Variants in NPHP1 observed in about 807,000 individuals in gnomAD.
NPHP1 encodes nephrocystin-1.
A neutral mutation model predicts 90.4 loss-of-function variants in NPHP1; 70 were observed. The observed-to-expected ratio is 0.77, with a 90% CI of 0.64 to 0.95. The LOEUF (loss-of-function observed/expected upper bound fraction) is 0.95, where lower values mean the gene tolerates loss of function less well. Ranked by LOEUF, NPHP1 falls within the 40% of genes least tolerant of loss-of-function variation. NPHP1 has a pLI of 0.00. For synonymous variants in NPHP1, 256 were observed against 271.7 expected, an observed-to-expected ratio of 0.94 and a Z score of 0.57; for missense variants, 764 against 795.9, an observed-to-expected ratio of 0.96 and a Z score of 0.48.
chr2:110,165,990 A>G (rs1682703559), intron 6 of NPHP1, among the ~76,000 whole-genome samples: 2 of 152,218 alleles, frequency 1.3e-5, no homozygotes, highest in South Asian at 2.1e-4. Context: ...GTCATAAAGC[A>G]TATGAGATGA....
At chr2:110,190,310 C>T (rs985606503) in intron 2 of NPHP1, among the ~76,000 whole-genome samples, 13 of 152,166 alleles carry the variant, frequency 8.5e-5, no homozygotes, top group African/African-American at 2.7e-4. Context: ...AGGCTCGGGC[C>T]GCACAGGAGC....
At chr2:110,185,074 G>A (rs1684190480) in intron 2 of NPHP1, 2 of 596,878 alleles carry the variant, frequency 3.4e-6, no homozygotes, top group African/African-American at 3.7e-5. Flanking sequence ...ATTCCACGTG[G>A]ATTGAGGGCT....
At position 110,178,410 on chromosome 2, in the gene NPHP1, A is replaced by C. The variant is rs1415817357; in HGVS notation, c.329+13T>G. On this transcript the variant is annotated intron_variant, in intron 4 of 19. Coordinates refer to ENST00000445609, the MANE Select transcript of NPHP1 (RefSeq NM_001128178.3). ...TTTAAAAAAGAAAAAAGAAAGGTAGAAAGGAAGCATACTCAGTTATATTTT... is the reference window on the plus strand; with the variant it reads ...TTTAAAAAAGAAAAAAGAAAGGTAGCAAGGAAGCATACTCAGTTATATTTT... 2.5e-6 allele frequency: 4 copies of C among 1,613,306 alleles called. No individual in the cohort carries two copies. The highest frequency in any genetic ancestry group is 3.4e-6 in the Non-Finnish European group (4 of 1,179,598).
At chr2:110,173,532 C>T (rs1683310030) in intron 4 of NPHP1, among the ~76,000 whole-genome samples, 1 of 152,070 alleles carries the variant, frequency 6.6e-6, no homozygotes, top group Non-Finnish European at 1.5e-5. Context: ...CATATAATAC[C>T]ATATTTTTAC....
intron 2 of NPHP1, among the ~76,000 whole-genome samples, chr2:110,191,618 G>T (rs1684745630): frequency 6.6e-6 from 1 of 152,210 alleles, no homozygotes; most frequent in African/African-American, 2.4e-5. Flanking sequence ...AGAAACCTCT[G>T]CAGACTTAAA....
Position 110,178,512 on chromosome 2 carries a change from C to T in NPHP1, c.240G>A (p.Gln80=), listed in dbSNP as rs767719020. 67 of 1,613,766 alleles carry T rather than the reference C, an allele frequency of 4.2e-5. No individual in the cohort carries two copies. The East Asian group carries it at 1.5e-3, about 36-fold the overall frequency. The change falls in exon 4 of 20, where the codon CAG becomes CAA. Residue 80 remains glutamine (Q), a synonymous_variant. Coordinates refer to ENST00000445609, the MANE Select transcript of NPHP1 (RefSeq NM_001128178.3). ...AAAGAGTATGCTCCTCTTCTTTTCT[C>T]TGATTATAGTTTGCAACAGGTGCAG... ...DESAPVANYN[Q]RKEEEHTLLD... is the part of the protein sequence containing the mutation.
chr2:110,193,320 A>G (rs1434160200), intron 2 of NPHP1, among the ~76,000 whole-genome samples: 1 of 152,156 alleles, frequency 6.6e-6, no homozygotes, highest in Non-Finnish European at 1.5e-5. Context: ...AGATCTACCA[A>G]GCAAATGGAA....
At chr2:110,132,364 G>GT (rs1679849374) in intron 16 of NPHP1, among the ~76,000 whole-genome samples, 1 of 152,154 alleles carries the variant, frequency 6.6e-6, no homozygotes, top group Non-Finnish European at 1.5e-5. Flanking sequence ...TTAAAATGAA[G>GT]TAAGTGTGGG....
intron 2 of NPHP1, among the ~76,000 whole-genome samples, chr2:110,194,623 T>C (rs1310992986): frequency 3.3e-5 from 5 of 151,968 alleles, no homozygotes; most frequent in Non-Finnish European, 4.4e-5. Context: ...TTCCAATCAA[T>C]AGAAAAAGAG....
chr2:110,196,967 A>C (rs1334704881), intron 2 of NPHP1, among the ~76,000 whole-genome samples: 1 of 152,154 alleles, frequency 6.6e-6, no homozygotes, highest in African/African-American at 2.4e-5. Context: ...GAACAAAATC[A>C]TGTCCTTTGG....
Position 110,178,405 on chromosome 2 carries a change from G to A in NPHP1, c.329+18C>T, listed in dbSNP as rs775997040. On this transcript the variant is annotated intron_variant, in intron 4 of 19. Transcript: ENST00000445609. The stretch of plus-strand genomic sequence containing the variant: ...ATATCTTTAAAAAAGAAAAAAGAAA[G>A]GTAGAAAGGAAGCATACTCAGTTAT... The A allele has an allele frequency of 3.7e-6, 6 of 1,612,584 alleles. No homozygotes were observed. In the East Asian group the frequency reaches 8.9e-5, roughly 24 times the overall value.
At chr2:110,170,309 C>T (rs1234581278) in intron 4 of NPHP1, among the ~76,000 whole-genome samples, 2 of 152,170 alleles carry the variant, frequency 1.3e-5, no homozygotes, top group Admixed American at 1.3e-4. Context: ...TTATGAAGTA[C>T]TTAGAGCATA....
At chr2:110,130,030 C>T (rs1282460318) in intron 17 of NPHP1, among the ~76,000 whole-genome samples, 1 of 152,164 alleles carries the variant, frequency 6.6e-6, no homozygotes, top group Non-Finnish European at 1.5e-5. Context: ...TTACAACATC[C>T]TCCAGAGGGG....
chr2:110,157,022 G>A (rs1038807066), intron 11 of NPHP1, among the ~76,000 whole-genome samples: 1 of 151,982 alleles, frequency 6.6e-6, no homozygotes, highest in Non-Finnish European at 1.5e-5. Flanking sequence ...TGCTCTGCCC[G>A]CCTCGGCCTC....
intron 11 of NPHP1, among the ~76,000 whole-genome samples, chr2:110,154,996 C>T (rs1681783251): frequency 6.6e-6 from 1 of 152,138 alleles, no homozygotes; most frequent in Admixed American, 6.5e-5. Context: ...ACAGCAGCCC[C>T]TCCCATCACA....
intron 11 of NPHP1, among the ~76,000 whole-genome samples, chr2:110,158,656 A>G (rs1214251933): frequency 6.6e-6 from 1 of 152,010 alleles, no homozygotes; most frequent in African/African-American, 2.4e-5. Flanking sequence ...GGCTTCTTAT[A>G]TATAACATAT....
intron 16 of NPHP1, among the ~76,000 whole-genome samples, chr2:110,142,437 G>GCTCAAGCAAGC (rs1559055480): frequency 6.6e-6 from 1 of 151,030 alleles, no homozygotes. Flanking sequence ...AACCTCTTGG[G>GCTCAAGCAAGC]CTCAAGCAAT....
intron 4 of NPHP1, among the ~76,000 whole-genome samples, chr2:110,174,151 T>G (rs550939233): frequency 6.6e-6 from 1 of 152,106 alleles, no homozygotes; most frequent in East Asian, 1.9e-4. Flanking sequence ...CTCTTCTAAA[T>G]AGTATATATT....
chr2:110,131,916 C>A, intron 16 of NPHP1, 125 bp from the exon 17 acceptor site: 1 of 662,944 alleles, frequency 1.5e-6, no homozygotes, highest in Non-Finnish European at 2.7e-6. Context: ...ACATTTTTAA[C>A]TATTTAAAGA....
Sources: gnomAD v4.1 joint callset for allele counts (sites outside exome capture counted in the v4.1 genomes callset) on GRCh38, gnomAD v4.1.1 for gene constraint, MANE v1.5 for transcripts, NCBI Gene and HGNC (gene_info 2026-07-23, HGNC 2026-07-21) for gene names.